Variants in AP3S1 observed in about 807,000 individuals in gnomAD.
AP3S1 encodes AP-3 complex subunit sigma-1.
In AP3S1, 12 loss-of-function variants were observed where a neutral mutation model predicts 21.3. That is an observed-to-expected ratio of 0.56 (90% confidence interval 0.36 to 0.91). The LOEUF is 0.91. AP3S1 is among the 40% of genes least tolerant of loss of function. The pLI is 0.01. For missense variants in AP3S1, 116 were observed against 225.0 expected (o/e 0.52, Z 3.10); for synonymous variants, 48 against 78.4 (o/e 0.61, Z 2.05).
chr5:115,884,559 G>C (rs1406313038), intron 3 of AP3S1, among the ~76,000 whole-genome samples: 2 of 152,066 alleles, frequency 1.3e-5, no homozygotes, highest in Non-Finnish European at 2.9e-5. Context: ...TGGGTGACAG[G>C]GTGAGACTTC....
intron 3 of AP3S1, among the ~76,000 whole-genome samples, chr5:115,883,169 C>T (rs1749461653): frequency 6.6e-6 from 1 of 152,204 alleles, no homozygotes; most frequent in Non-Finnish European, 1.5e-5. Context: ...GTGAGCTAGA[C>T]CACCTGGCTC....
At chr5:115,886,530 C>G (rs981496726) in intron 3 of AP3S1, among the ~76,000 whole-genome samples, 1 of 152,130 alleles carries the variant, frequency 6.6e-6, no homozygotes, top group Non-Finnish European at 1.5e-5. Flanking sequence ...TTCTCTAGCT[C>G]GTTTTATTGT....
intron 4 of AP3S1, among the ~76,000 whole-genome samples, chr5:115,896,444 ACT>A (rs1211909864): frequency 6.6e-6 from 1 of 152,014 alleles, no homozygotes; most frequent in Non-Finnish European, 1.5e-5. Context: ...ACTTACAAAG[ACT>A]CTTGTTATTT....
intron 3 of AP3S1, among the ~76,000 whole-genome samples, chr5:115,891,840 G>A (rs1750333449): frequency 6.6e-6 from 1 of 152,208 alleles, no homozygotes; most frequent in Non-Finnish European, 1.5e-5. Context: ...AAGCCACAGG[G>A]TTGGAGCTGC....
chr5:115,871,860 A>G (rs1352975325), intron 3 of AP3S1, among the ~76,000 whole-genome samples: 1 of 152,158 alleles, frequency 6.6e-6, no homozygotes. Flanking sequence ...TAGCACTTCT[A>G]GCACCTTGCT....
At chr5:115,912,298 A>G (rs1390829604) in intron 5 of AP3S1, among the ~76,000 whole-genome samples, 1 of 151,966 alleles carries the variant, frequency 6.6e-6, no homozygotes, top group Non-Finnish European at 1.5e-5. Flanking sequence ...TTTGTTGTCT[A>G]TTTTTGTACA....
chr5:115,879,365 A>C (rs1017365112), intron 3 of AP3S1, among the ~76,000 whole-genome samples: 1 of 152,212 alleles, frequency 6.6e-6, no homozygotes, highest in Non-Finnish European at 1.5e-5. Flanking sequence ...ATTTTGAGAT[A>C]TGTTCCATCT....
intron 1 of AP3S1, among the ~76,000 whole-genome samples, chr5:115,865,694 C>A (rs1262851561): frequency 6.6e-6 from 1 of 152,028 alleles, no homozygotes; most frequent in African/African-American, 2.4e-5. Context: ...ATTACTACTG[C>A]GATTTAGTAT....
chr5:115,886,840 C>T (rs974598343), intron 3 of AP3S1, among the ~76,000 whole-genome samples: 2 of 152,154 alleles, frequency 1.3e-5, no homozygotes, highest in African/African-American at 4.8e-5. Flanking sequence ...GGTAGATGGT[C>T]CTTTCTTCAG....
At chr5:115,898,019 A>C (rs1486749976) in intron 4 of AP3S1, among the ~76,000 whole-genome samples, 1 of 152,200 alleles carries the variant, frequency 6.6e-6, no homozygotes, top group Non-Finnish European at 1.5e-5. Context: ...AGTAGCGAAC[A>C]TGGAAATGTT....
chr5:115,879,241 A>G (rs939591157), intron 3 of AP3S1, among the ~76,000 whole-genome samples: 1 of 152,184 alleles, frequency 6.6e-6, no homozygotes, highest in Non-Finnish European at 1.5e-5. Flanking sequence ...TGTGTTGAAT[A>G]GGAGTGGTGA....
At chr5:115,877,250 A>T (rs58236192) in intron 3 of AP3S1, among the ~76,000 whole-genome samples, 1 of 152,024 alleles carries the variant, frequency 6.6e-6, no homozygotes, top group African/African-American at 2.4e-5. Flanking sequence ...GGTTTGTTAC[A>T]TAGGTATACA....
chr5:115,861,864 TC>T lies in AP3S1; in HGVS notation c.70-4805del, dbSNP rs1476921583. Among the ~76,000 whole-genome samples the T allele has an allele frequency of 1.6e-3, 230 of 141,894 alleles. 4 individuals carry two copies. Among genetic ancestry groups the T allele is most frequent in the African/African-American group, 4.9e-3 (185 of 37,922 alleles). 93.1% of individuals were successfully genotyped at this position (141,894 alleles called of 152,430 possible). ...ACCAGGCCAAAATTTTCTTTTCTTT[TC>T]TTTTTTTTTTTTTTTTTTTGAGATG... On this transcript the variant is annotated intron_variant, in intron 1 of 5. Transcript: ENST00000316788.
At chr5:115,893,999 T>C (rs1750538899) in intron 3 of AP3S1, among the ~76,000 whole-genome samples, 1 of 152,210 alleles carries the variant, frequency 6.6e-6, no homozygotes, top group Non-Finnish European at 1.5e-5. Flanking sequence ...AAGAGATTGA[T>C]TTTTGAAGGT....
At chr5:115,847,635 A>G (rs1762156616) in intron 1 of AP3S1, among the ~76,000 whole-genome samples, 1 of 152,300 alleles carries the variant, frequency 6.6e-6, no homozygotes, top group Non-Finnish European at 1.5e-5. Flanking sequence ...TTAAAAAAAT[A>G]TATGTTTTTA....
chr5:115,842,251 C>G, intron 1 of AP3S1, 145 bp downstream of exon 1: 1 of 1,294,232 alleles, frequency 7.7e-7, no homozygotes, highest in African/African-American at 1.6e-5. Context: ...AGCTGTCAGC[C>G]TCCTGGTGGG....
At chr5:115,874,612 G>C (rs1418916000) in intron 3 of AP3S1, among the ~76,000 whole-genome samples, 1 of 152,054 alleles carries the variant, frequency 6.6e-6, no homozygotes, top group Non-Finnish European at 1.5e-5. Context: ...TTCTGACCAT[G>C]TTGTTAGAAT....
At chr5:115,866,234 A>G (rs944224520) in intron 1 of AP3S1, among the ~76,000 whole-genome samples, 2 of 152,246 alleles carry the variant, frequency 1.3e-5, no homozygotes, top group African/African-American at 4.8e-5. Context: ...TATTTAGTAA[A>G]GGTTAAACTT....
At chr5:115,842,428 C>T in intron 1 of AP3S1, 1 of 247,656 alleles carries the variant, frequency 4.0e-6, no homozygotes. Context: ...CGCAGCCCAG[C>T]CGCGCCGCGG....
Sources: allele counts gnomAD v4.1 joint callset (sites outside exome capture counted in the v4.1 genomes callset), GRCh38; gene constraint gnomAD v4.1.1; transcripts MANE v1.5; gene names NCBI Gene and HGNC (gene_info 2026-07-23, HGNC 2026-07-21).